RNGTT: variants seen among roughly 807,000 people sequenced by gnomAD.
RNGTT encodes mRNA-capping enzyme.
A neutral mutation model predicts 79.3 loss-of-function variants in RNGTT; 33 were observed. That is an observed-to-expected ratio of 0.42 (90% CI 0.32 to 0.56). The LOEUF (loss-of-function observed/expected upper bound fraction) is 0.56. Among genes scored for constraint, RNGTT ranks in the 20% least tolerant of loss-of-function variants. The pLI is 0.17. For missense variants in RNGTT, 497 were observed against 739.1 expected, an observed-to-expected ratio of 0.67 and a Z score of 3.80; for synonymous variants, 222 against 235.9, an observed-to-expected ratio of 0.94 and a Z score of 0.54.
At chr6:88,869,567 T>C (rs1782289307) in intron 8 of RNGTT, among the ~76,000 whole-genome samples, 2 of 152,154 alleles carry the variant, frequency 1.3e-5, no homozygotes, top group Admixed American at 1.3e-4. Context: ...CAGTTGGCCT[T>C]GGGATCTATC....
At chr6:88,630,816 T>C (rs1214951667) in intron 14 of RNGTT, among the ~76,000 whole-genome samples, 1 of 152,182 alleles carries the variant, frequency 6.6e-6, no homozygotes, top group African/African-American at 2.4e-5. Context: ...CTTGTTTTTT[T>C]GCTTAAATAT....
At chr6:88,870,881 T>G (rs1782331047) in intron 8 of RNGTT, among the ~76,000 whole-genome samples, 1 of 152,172 alleles carries the variant, frequency 6.6e-6, no homozygotes, top group African/African-American at 2.4e-5. Context: ...ATTCTACTGC[T>G]TCACAAAAGC....
intron 12 of RNGTT, among the ~76,000 whole-genome samples, chr6:88,793,861 T>C (rs1345156639): frequency 6.6e-6 from 1 of 152,238 alleles, no homozygotes; most frequent in Non-Finnish European, 1.5e-5. Flanking sequence ...GTAATAGTCA[T>C]ACTATCAAAC....
intron 11 of RNGTT, among the ~76,000 whole-genome samples, chr6:88,832,317 C>A (rs972904890): frequency 6.6e-6 from 1 of 152,092 alleles, no homozygotes; most frequent in African/African-American, 2.4e-5. Context: ...CTTTGACAAA[C>A]CTGACAAAAA....
At chr6:88,846,757 C>CAAAAA (rs200193188) in intron 10 of RNGTT, among the ~76,000 whole-genome samples, 3 of 113,680 alleles carry the variant, frequency 2.6e-5, no homozygotes, top group Non-Finnish European at 5.7e-5. Flanking sequence ...AAGACTGTCT[C>CAAAAA]AAAAAAAAAA....
chr6:88,760,938 G>C (rs1778197335), intron 13 of RNGTT, among the ~76,000 whole-genome samples: 1 of 148,294 alleles, frequency 6.7e-6, no homozygotes, highest in Non-Finnish European at 1.5e-5. Flanking sequence ...CAAACTCCTA[G>C]GGCTCAAGCA....
At chr6:88,741,160 G>A (rs1777475841) in intron 13 of RNGTT, among the ~76,000 whole-genome samples, 1 of 152,020 alleles carries the variant, frequency 6.6e-6, no homozygotes. Flanking sequence ...GTTCATCGTG[G>A]CACTATTCAC....
intron 14 of RNGTT, among the ~76,000 whole-genome samples, chr6:88,646,193 A>T (rs1285306513): frequency 6.6e-6 from 1 of 152,260 alleles, no homozygotes; most frequent in Non-Finnish European, 1.5e-5. Context: ...AAGGATATGA[A>T]CAGACACTTC....
intron 8 of RNGTT, among the ~76,000 whole-genome samples, chr6:88,868,267 A>C (rs375808178): frequency 1.3e-5 from 2 of 152,208 alleles, no homozygotes; most frequent in African/African-American, 4.8e-5. Flanking sequence ...CCATTTTAAT[A>C]GCCTCCTAAG....
chr6:88,698,309 A>G (rs1775825191), intron 13 of RNGTT, among the ~76,000 whole-genome samples: 1 of 139,676 alleles, frequency 7.2e-6, no homozygotes, highest in East Asian at 2.0e-4. Flanking sequence ...TATGAAATAT[A>G]TATATGAAAT....
At chr6:88,954,874 C>A (rs1785374720) in intron 1 of RNGTT, among the ~76,000 whole-genome samples, 1 of 151,694 alleles carries the variant, frequency 6.6e-6, no homozygotes, top group Non-Finnish European at 1.5e-5. Context: ...AAAACCATGC[C>A]TCTACTAAAA....
intron 11 of RNGTT, among the ~76,000 whole-genome samples, chr6:88,815,861 A>G (rs1430118096): frequency 6.6e-6 from 1 of 152,190 alleles, no homozygotes; most frequent in Non-Finnish European, 1.5e-5. Context: ...GCTGTAAACT[A>G]AACATGTTCT....
intron 14 of RNGTT, among the ~76,000 whole-genome samples, chr6:88,629,542 A>C (rs1772764767): frequency 1.3e-5 from 2 of 152,036 alleles, no homozygotes; most frequent in South Asian, 4.2e-4. Context: ...ATATTTCCTT[A>C]GGTTTCTGTT....
chr6:88,888,347 C>A (rs1175571273), intron 8 of RNGTT, among the ~76,000 whole-genome samples: 1 of 152,284 alleles, frequency 6.6e-6, no homozygotes, highest in East Asian at 1.9e-4. Flanking sequence ...TATGTCTCAA[C>A]AACATCCTTA....
intron 7 of RNGTT, 143 bp downstream of exon 7, chr6:88,891,663 T>A: frequency 2.2e-6 from 1 of 464,018 alleles, no homozygotes; most frequent in Non-Finnish European, 3.7e-6. Flanking sequence ...TTGCATTGAT[T>A]GTCTTGAACG....
At chr6:88,824,082 C>CA (rs1780579148) in intron 11 of RNGTT, among the ~76,000 whole-genome samples, 1 of 152,052 alleles carries the variant, frequency 6.6e-6, no homozygotes, top group African/African-American at 2.4e-5. Context: ...GATATAGGCA[C>CA]AAAAATCCTA....
intron 2 of RNGTT, among the ~76,000 whole-genome samples, chr6:88,931,056 T>C (rs1382993440): frequency 1.3e-5 from 2 of 152,054 alleles, no homozygotes; most frequent in Non-Finnish European, 2.9e-5. Flanking sequence ...AATATGAAAA[T>C]CCAAAACCTG....
chr6:88,816,565 A>G (rs970920259), intron 11 of RNGTT, among the ~76,000 whole-genome samples: 1 of 152,220 alleles, frequency 6.6e-6, no homozygotes, highest in Non-Finnish European at 1.5e-5. Context: ...TAGGTATCAG[A>G]GGTAAGACTA....
At chr6:88,686,546 T>C (rs1359545988) in intron 13 of RNGTT, among the ~76,000 whole-genome samples, 2 of 151,876 alleles carry the variant, frequency 1.3e-5, no homozygotes, top group South Asian at 2.1e-4. Context: ...GCTTTAGCAA[T>C]AATGAAAATG....
Sources: gnomAD v4.1 joint callset for allele counts (sites outside exome capture counted in the v4.1 genomes callset) on GRCh38, gnomAD v4.1.1 for gene constraint, MANE v1.5 for transcripts, NCBI Gene and HGNC (gene_info 2026-07-23, HGNC 2026-07-21) for gene names.